The following TMEM164 variants were observed in gnomAD, a reference collection of about 807,000 sequenced individuals.
The protein encoded by TMEM164 is RP13-360B22.2.
Under a neutral mutation model 18.8 loss-of-function variants are expected in TMEM164, and 4 were observed. The ratio of observed to expected loss-of-function variants is 0.21; its 90% CI spans 0.10 to 0.49. The LOEUF (loss-of-function observed/expected upper bound fraction) is 0.49, where lower values mean the gene tolerates loss of function less well. Among genes scored for constraint, TMEM164 ranks in the 20% least tolerant of loss-of-function variants. The probability of loss-of-function intolerance (pLI) is 0.98; values close to 1 mark genes in which losing one functional copy is unlikely to be tolerated. For missense variants in TMEM164, 108 were observed against 239.9 expected (o/e 0.45, Z 3.63); for synonymous variants, 86 against 101.7 (o/e 0.85, Z 0.93).
At chrX:110,028,836 A>G (rs1248653015) in intron 2 of TMEM164, among the ~76,000 whole-genome samples, 1 of 111,723 alleles carries the variant, frequency 9.0e-6, no homozygotes, top group African/African-American at 3.3e-5. Context: ...TGCTTAATCT[A>G]TCAGTTACTG....
intron 2 of TMEM164, among the ~76,000 whole-genome samples, chrX:110,022,549 C>A (rs886467432): frequency 9.0e-5 from 10 of 111,296 alleles, no homozygotes; most frequent in African/African-American, 2.9e-4. Flanking sequence ...TTGTGCAATG[C>A]TTCTTTTTAT....
intron 4 of TMEM164, among the ~76,000 whole-genome samples, chrX:110,135,950 T>C (rs912719283): frequency 8.9e-6 from 1 of 112,057 alleles, no homozygotes; most frequent in Non-Finnish European, 1.9e-5. Flanking sequence ...ATTTCTATAA[T>C]ACCATCTACC....
At chrX:110,091,160 A>G (rs2065922281) in intron 3 of TMEM164, among the ~76,000 whole-genome samples, 1 of 112,238 alleles carries the variant, frequency 8.9e-6, no homozygotes, top group Admixed American at 9.4e-5. Context: ...TAGTGCCACA[A>G]TAAACATACA....
At chrX:110,114,291 A>G (rs1181564407) in intron 4 of TMEM164, among the ~76,000 whole-genome samples, 2 of 111,844 alleles carry the variant, frequency 1.8e-5, no homozygotes, top group African/African-American at 3.3e-5. Context: ...CTGTAAGCCC[A>G]CCTATTCATC....
At chrX:110,008,875 A>C (rs1427234135) in intron 2 of TMEM164, among the ~76,000 whole-genome samples, 1 of 111,962 alleles carries the variant, frequency 8.9e-6, no homozygotes, top group African/African-American at 3.3e-5. Context: ...ATGGCAGATG[A>C]CCAATACAGT....
chrX:110,020,196 T>TATTA (rs1282036572), intron 2 of TMEM164, among the ~76,000 whole-genome samples: 3 of 112,309 alleles, frequency 2.7e-5, no homozygotes, highest in Non-Finnish European at 5.6e-5. Context: ...TCTATGTTTT[T>TATTA]ATTAATTTTT....
intron 3 of TMEM164, among the ~76,000 whole-genome samples, chrX:110,094,644 T>A (rs1166460611): frequency 8.9e-6 from 1 of 112,047 alleles, no homozygotes; most frequent in Non-Finnish European, 1.9e-5. Context: ...TTTGCCAGTC[T>A]GTGTCTTTTA....
intron 2 of TMEM164, among the ~76,000 whole-genome samples, chrX:110,026,906 TTTAAG>T (rs1934220387): frequency 8.9e-6 from 1 of 112,404 alleles, no homozygotes; most frequent in African/African-American, 3.2e-5. Flanking sequence ...GCTAAATGCT[TTTAAG>T]TTAATTATAA....
At chrX:110,099,626 C>T (rs771218976) in intron 3 of TMEM164, among the ~76,000 whole-genome samples, 2 of 112,280 alleles carry the variant, frequency 1.8e-5, no homozygotes, top group Admixed American at 1.9e-4. Context: ...TGTAGTAAGC[C>T]TTAAAATCAG....
intron 3 of TMEM164, among the ~76,000 whole-genome samples, chrX:110,070,361 C>T (rs1357709734): frequency 1.8e-5 from 2 of 111,553 alleles, no homozygotes; most frequent in Non-Finnish European, 3.8e-5. Context: ...GTCACTTGTT[C>T]GTACACACAA....
chrX:110,112,805 T>C (rs780856387), intron 4 of TMEM164, among the ~76,000 whole-genome samples: 8 of 111,410 alleles, frequency 7.2e-5, no homozygotes, highest in Non-Finnish European at 7.5e-5. Context: ...AATTTCCTCT[T>C]ATAAGGACAC....
downstream of TMEM164, chrX:110,182,797 G>A (rs1190783235): frequency 8.9e-6 from 1 of 112,139 alleles, no homozygotes. Flanking sequence ...TTTCACTGCA[G>A]TTAGGAATTG....
intron 3 of TMEM164, among the ~76,000 whole-genome samples, chrX:110,069,711 GC>G (rs1317362932): frequency 3.7e-5 from 4 of 108,812 alleles, no homozygotes; most frequent in Admixed American, 9.9e-5. Flanking sequence ...GAGCCACTGC[GC>G]CCAGCCTATA....
At chrX:110,097,191 C>T (rs2066035290) in intron 3 of TMEM164, among the ~76,000 whole-genome samples, 1 of 111,515 alleles carries the variant, frequency 9.0e-6, no homozygotes, top group Non-Finnish European at 1.9e-5. Flanking sequence ...AGGCTGGTCT[C>T]GAACTCCTGA....
chrX:110,008,387 GATT>G (rs1932854005), intron 2 of TMEM164, among the ~76,000 whole-genome samples: 1 of 111,787 alleles, frequency 8.9e-6, no homozygotes, highest in Non-Finnish European at 1.9e-5. Flanking sequence ...CTGGAGCACT[GATT>G]ATCATTCCTG....
intron 4 of TMEM164, among the ~76,000 whole-genome samples, chrX:110,131,362 A>G (rs772228451): frequency 1.8e-5 from 2 of 111,768 alleles, no homozygotes; most frequent in East Asian, 2.8e-4. Context: ...TCTGATGCTC[A>G]GGTCTTTTAA....
intron 5 of TMEM164, among the ~76,000 whole-genome samples, chrX:110,170,674 T>G (rs929240293): frequency 8.1e-5 from 9 of 111,703 alleles, no homozygotes; most frequent in Non-Finnish European, 1.9e-5. Context: ...AGGGAAAATA[T>G]ATCATTTTTG....
chrX:110,024,157 A>G (rs1422070978), intron 2 of TMEM164, among the ~76,000 whole-genome samples: 4 of 112,714 alleles, frequency 3.5e-5, no homozygotes, highest in South Asian at 7.3e-4. Context: ...TTCATCACGG[A>G]TGGGTTAGTT....
chrX:110,162,928 G>A (rs1014948361), intron 5 of TMEM164, among the ~76,000 whole-genome samples: 5 of 111,925 alleles, frequency 4.5e-5, no homozygotes, highest in African/African-American at 1.6e-4. Flanking sequence ...TCCAATCAGT[G>A]ACCACATCCT....
Sources: gnomAD v4.1 joint callset for allele counts (sites outside exome capture counted in the v4.1 genomes callset) on GRCh38, gnomAD v4.1.1 for gene constraint, MANE v1.5 for transcripts, NCBI Gene and HGNC (gene_info 2026-07-23, HGNC 2026-07-21) for gene names.